The following SENP6 variants were observed in gnomAD, a reference collection of about 807,000 sequenced individuals.
SENP6 encodes the protein SUMO specific peptidase 6.
Under a neutral mutation model 134.5 loss-of-function variants are expected in SENP6, and 41 were observed. The ratio of observed to expected loss-of-function variants is 0.30; its 90% CI spans 0.24 to 0.40. The LOEUF is 0.40. SENP6 is among the 10% of genes least tolerant of loss of function. The pLI, the probability that SENP6 is intolerant of heterozygous loss-of-function variation, is 1.00. For synonymous variants in SENP6, 395 were observed against 429.8 expected (o/e 0.92, Z 1.00); for missense variants, 1,248 against 1,312.5 (o/e 0.95, Z 0.76).
intron 16 of SENP6, among the ~76,000 whole-genome samples, chr6:75,694,810 T>C (rs1774541709): frequency 6.6e-6 from 1 of 152,192 alleles, no homozygotes; most frequent in African/African-American, 2.4e-5. Flanking sequence ...TTTTGGGCTA[T>C]TATGAATAAT....
At chr6:75,663,822 G>C (rs1321151464) in intron 9 of SENP6, among the ~76,000 whole-genome samples, 5 of 25,446 alleles carry the variant, frequency 2.0e-4, no homozygotes, top group Admixed American at 8.2e-4. Flanking sequence ...TTTTTTTTGT[G>C]GGGGGGGGGG....
At chr6:75,688,022 A>G (rs1438231144) in intron 16 of SENP6, among the ~76,000 whole-genome samples, 1 of 152,216 alleles carries the variant, frequency 6.6e-6, no homozygotes, top group East Asian at 1.9e-4. Flanking sequence ...TAGAGGCAGT[A>G]GGCCTTGTTG....
At chr6:75,695,195 T>G (rs1017139366) in intron 16 of SENP6, among the ~76,000 whole-genome samples, 16 of 152,128 alleles carry the variant, frequency 1.1e-4, no homozygotes, top group African/African-American at 3.6e-4. Flanking sequence ...TTTTGGTTTT[T>G]TGTGTGTGTG....
intron 1 of SENP6, among the ~76,000 whole-genome samples, chr6:75,610,331 A>G (rs1767348801): frequency 6.6e-6 from 1 of 152,216 alleles, no homozygotes; most frequent in Non-Finnish European, 1.5e-5. Flanking sequence ...CCACTAAGTC[A>G]CAGACTGTTA....
chr6:75,675,632 A>G (rs1773029111), intron 12 of SENP6, 164 bp downstream of exon 12: 1 of 695,470 alleles, frequency 1.4e-6, no homozygotes. Flanking sequence ...TCATTCAGAA[A>G]TATCACAGAA....
intron 7 of SENP6, among the ~76,000 whole-genome samples, chr6:75,659,024 G>A (rs1037057641): frequency 6.8e-6 from 1 of 147,416 alleles, no homozygotes; most frequent in African/African-American, 2.5e-5. Context: ...TATGTGAGTG[G>A]TTAGGCACAG....
chr6:75,681,360 C>G (rs1218690469), intron 16 of SENP6, among the ~76,000 whole-genome samples: 1 of 152,140 alleles, frequency 6.6e-6, no homozygotes, highest in Non-Finnish European at 1.5e-5. Flanking sequence ...CTCATGATTC[C>G]AAGTTTCCTG....
intron 1 of SENP6, among the ~76,000 whole-genome samples, chr6:75,613,954 G>T (rs548047645): frequency 1.6e-4 from 24 of 152,192 alleles, no homozygotes; most frequent in African/African-American, 5.3e-4. Flanking sequence ...TGTCCCATTT[G>T]TCTTCTTTAA....
intron 16 of SENP6, among the ~76,000 whole-genome samples, chr6:75,685,543 G>A (rs993208668): frequency 2.4e-4 from 36 of 151,832 alleles, no homozygotes; most frequent in Admixed American, 7.9e-4. Context: ...TTCCCTCTAC[G>A]CACTGCTTTA....
intron 1 of SENP6, among the ~76,000 whole-genome samples, chr6:75,613,513 G>A (rs1767619153): frequency 6.6e-6 from 1 of 152,044 alleles, no homozygotes; most frequent in Non-Finnish European, 1.5e-5. Flanking sequence ...AGCAATATGA[G>A]ACATACTAAA....
intron 23 of SENP6, 74 bp downstream of exon 23, chr6:75,713,899 A>G: frequency 9.1e-7 from 1 of 1,103,498 alleles, no homozygotes; most frequent in Non-Finnish European, 1.3e-6. Flanking sequence ...AGTAAAAAAC[A>G]CAATAAGCAA....
intron 4 of SENP6, 136 bp from the exon 5 acceptor site, chr6:75,634,571 T>C: frequency 1.9e-6 from 1 of 527,728 alleles, no homozygotes; most frequent in South Asian, 2.9e-5. Context: ...CAAAAGACAA[T>C]TGGGTTTATC....
chr6:75,707,355 C>CTTTTTTTTTTTTTTTTTTTTTTTT (rs10564996), intron 19 of SENP6, among the ~76,000 whole-genome samples: 2 of 74,692 alleles, frequency 2.7e-5, no homozygotes, highest in Non-Finnish European at 5.0e-5. Context: ...TCTTCTTCTT[C>CTTTTTTTTTTTTTTTTTTTTTTTT]TTTTTTTTTT....
chr6:75,649,794 C>T (rs775098338), intron 7 of SENP6, among the ~76,000 whole-genome samples: 4 of 152,146 alleles, frequency 2.6e-5, no homozygotes, highest in East Asian at 3.9e-4. Flanking sequence ...GGATTACACG[C>T]GTCAGCCACC....
At chr6:75,704,684 G>C (rs1021735706) in intron 19 of SENP6, among the ~76,000 whole-genome samples, 5 of 152,202 alleles carry the variant, frequency 3.3e-5, no homozygotes, top group African/African-American at 1.2e-4. Context: ...GGGACGGTCA[G>C]GTCCTTCCCG....
intron 19 of SENP6, among the ~76,000 whole-genome samples, chr6:75,705,986 G>T (rs561186308): frequency 8.0e-6 from 1 of 125,184 alleles, no homozygotes; most frequent in Non-Finnish European, 1.7e-5. Context: ...ACCCAGGCTG[G>T]AGTGCAGTGG....
intron 19 of SENP6, among the ~76,000 whole-genome samples, chr6:75,705,317 C>T (rs554772092): frequency 3.3e-5 from 5 of 152,128 alleles, no homozygotes; most frequent in Admixed American, 1.3e-4. Flanking sequence ...GAGGCTGAGG[C>T]GGGTGGATCA....
chr6:75,640,449 A>G (rs2149843200), intron 5 of SENP6, among the ~76,000 whole-genome samples: 1 of 148,408 alleles, frequency 6.7e-6, no homozygotes, highest in East Asian at 2.0e-4. Flanking sequence ...CCCTTTTAAG[A>G]TTTTTTTATA....
chr6:75,688,844 G>C (rs1257508146), intron 16 of SENP6, among the ~76,000 whole-genome samples: 2 of 152,230 alleles, frequency 1.3e-5, no homozygotes, highest in South Asian at 2.1e-4. Context: ...GAGGCAGGTG[G>C]ATCATCTGAG....
Sources: allele counts gnomAD v4.1 joint callset (sites outside exome capture counted in the v4.1 genomes callset), GRCh38; gene constraint gnomAD v4.1.1; transcripts MANE v1.5; gene names NCBI Gene and HGNC (gene_info 2026-07-23, HGNC 2026-07-21).